The following COQ6 variants were observed in gnomAD, a reference collection of about 807,000 sequenced individuals.
COQ6 encodes coenzyme Q6, monooxygenase.
COQ6 carries 45 observed loss-of-function variants against 55.5 expected under a neutral mutation model. The ratio of observed to expected loss-of-function variants is 0.81; its 90% CI spans 0.64 to 1.04. The LOEUF (loss-of-function observed/expected upper bound fraction) is 1.04. Among genes scored for constraint, COQ6 ranks in the 50% least tolerant of loss-of-function variants. COQ6 has a pLI of 0.00. For missense variants in COQ6, 550 were observed against 601.3 expected, an observed-to-expected ratio of 0.91 and a Z score of 0.89; for synonymous variants, 206 against 230.5, an observed-to-expected ratio of 0.89 and a Z score of 0.96.
chr14:73,956,112 C>T, intron 4 of COQ6, 184 bp downstream of exon 4: 3 of 669,686 alleles, frequency 4.5e-6, no homozygotes, highest in South Asian at 1.6e-5. Context: ...ATCACGAGGT[C>T]AGGAGATGGA....
intron 1 of COQ6, among the ~76,000 whole-genome samples, chr14:73,951,516 C>T (rs915241609): frequency 1.3e-5 from 2 of 150,788 alleles, no homozygotes; most frequent in Non-Finnish European, 1.5e-5. Flanking sequence ...TTAGTAGAGA[C>T]GGGGTTTCAC....
At position 73,952,114 on chromosome 14, in the gene COQ6, C is replaced by CT. The variant is rs869273031; in HGVS notation, c.164-1296dup. On this transcript the variant is annotated intron_variant, in intron 1 of 11. Coordinates refer to ENST00000334571, the MANE Select transcript of COQ6 (RefSeq NM_182476.3). Reference sequence around the variant, plus strand: ...TCACTGTCTGTATGGCTGGAGCTAACTTTTTTTTTTTTTTTTTTTTTTTTT... The same window carrying CT: ...TCACTGTCTGTATGGCTGGAGCTAACTTTTTTTTTTTTTTTTTTTTTTTTTT... Among the ~76,000 whole-genome samples the CT allele has an allele frequency of 4.6e-3, 343 of 73,782 alleles. 8 individuals are homozygous for CT. Among genetic ancestry groups the CT allele is most frequent in the African/African-American group, 9.0e-3 (198 of 21,898 alleles). The allele number at this position is 73,782 out of a possible 152,430, so 48.4% of individuals were successfully genotyped here.
chr14:73,950,601 T>G (rs2056149770), intron 1 of COQ6, 106 bp downstream of exon 1: 1 of 1,451,622 alleles, frequency 6.9e-7, no homozygotes, highest in Admixed American at 2.3e-5. Context: ...TTCTCAGGTC[T>G]CGCGACGCTT....
intron 8 of COQ6, chr14:73,960,552 A>G (rs1340584624): frequency 3.0e-6 from 3 of 1,009,220 alleles, no homozygotes; most frequent in Non-Finnish European, 3.6e-6. Flanking sequence ...GCCATTTAGT[A>G]TATATTCCTG....
At chr14:73,950,229 C>T, upstream of COQ6, 8 of 1,539,046 alleles carry the variant, frequency 5.2e-6, no homozygotes, top group Non-Finnish European at 7.0e-6. Flanking sequence ...ATTTCCGGTT[C>T]TGAGGACGCC....
intron 4 of COQ6, chr14:73,956,653 ATCCACTT>A (rs143222231): frequency 0.39 from 59,781 of 151,540 alleles, 12,707 homozygotes; most frequent in South Asian, 0.49. Flanking sequence ...CCATTTGTGT[ATCCACTT>A]TGGAGAAATG....
Position 73,961,368 on chromosome 14 carries a change from C to T in COQ6, c.1087C>T (p.Leu363Phe), listed in dbSNP as rs749725775. ...TGAGTACGTCAGGCCTCGGGTGGCG[C>T]TCATTGGGTAAGACGATAACAGAGC... Reference protein sequence around the residue: ...AAEYVRPRVALIGDAAHRVHP... With the variant: ...AAEYVRPRVAFIGDAAHRVHP... Residue 363 changes from leucine (L) to phenylalanine (F), a missense_variant, in exon 9 of 12, where the codon CTC (leucine) becomes TTC (phenylalanine). By Grantham distance (22) the Leu-to-Phe change is conservative. Transcript: ENST00000334571. 4 of 1,614,212 alleles carry T rather than the reference C, an allele frequency of 2.5e-6. No homozygotes were observed. Among genetic ancestry groups the T allele is most frequent in the Non-Finnish European group, 3.4e-6 (4 of 1,180,038 alleles).
chr14:73,951,793 C>T (rs977178735), intron 1 of COQ6, among the ~76,000 whole-genome samples: 1 of 151,266 alleles, frequency 6.6e-6, no homozygotes, highest in Non-Finnish European at 1.5e-5. Context: ...CCCTATGATC[C>T]TCATCTCACA....
At chr14:73,955,958 A>C in intron 4 of COQ6, 30 bp downstream of exon 4, 1 of 1,613,572 alleles carries the variant, frequency 6.2e-7, no homozygotes, top group East Asian at 2.2e-5. Flanking sequence ...CCTTGCATTC[A>C]TTGGGAAGTG....
In COQ6 at chr14:73,955,249, G is replaced by T. The variant is rs573766866; in HGVS notation, c.299-202G>T. 39 of 619,940 alleles carry T rather than the reference G, an allele frequency of 6.3e-5. 1 individual carries two copies. In the African/African-American group the frequency reaches 6.4e-4, roughly 10 times the overall value. The allele number at this position is 619,940 out of a possible 1,614,324, so 38.4% of individuals were successfully genotyped here. ...ATTACAGGCATGAGCCACCGCGCCC[G>T]GCAGAAGCTGGGTCTTTTTTCATGC... On this transcript the variant is annotated intron_variant, in intron 2 of 11. Transcript: ENST00000334571.
At chr14:73,955,621 A>G in intron 3 of COQ6, 112 bp downstream of exon 3, 1 of 1,367,972 alleles carries the variant, frequency 7.3e-7, no homozygotes, top group Non-Finnish European at 1.0e-6. Context: ...CAAGGTTCAC[A>G]TTCAGTCCGA....
chr14:73,953,565 C>T lies in COQ6; in HGVS notation c.294C>T (p.Leu98=). 6.2e-7 allele frequency: 1 copy of T among 1,614,204 alleles called. No individual in the cohort carries two copies. The highest frequency in any genetic ancestry group is 8.5e-7 in the Non-Finnish European group (1 of 1,180,040). ...SSISPGSATL[L]SSFGAWDHIC... ...TTTCCCCTGGCTCTGCAACGCTTCT[C>T]AGTAGTGAGTAGAAGATCCTCCTTC... Residue 98 remains leucine (L), a synonymous_variant, in exon 2 of 12, where the codon CTC becomes CTT. Transcript: ENST00000334571.
chr14:73,958,189 C>T lies in COQ6; in HGVS notation c.524C>T (p.Thr175Ile), dbSNP rs776767051. The part of the protein sequence containing the change: ...VLYRSKAIRY[T>I]WPCPFPMADS... ...TACAGGAGCAAAGCCATTCGCTATA[C>T]CTGGCCTTGTCCATTTCCTATGGCC... The change falls in exon 5 of 12, where the codon ACC (threonine) becomes ATC (isoleucine). Residue 175 changes from threonine (T) to isoleucine (I), a missense_variant. By Grantham distance (89) the Thr-to-Ile change is moderately conservative. Transcript: ENST00000334571. The T allele has an allele frequency of 1.5e-5, 25 of 1,614,014 alleles. No individual in the cohort carries two copies. The highest frequency in any genetic ancestry group is 1.9e-5 in the Non-Finnish European group (23 of 1,180,034).
At position 73,950,331 on chromosome 14, in the gene COQ6, C is replaced by T. The variant is rs779659217; in HGVS notation, c.-2C>T. 3 of 1,550,136 alleles carry T rather than the reference C, an allele frequency of 1.9e-6. No homozygotes were observed. The African/African-American group carries it at 4.1e-5, about 21-fold the overall frequency. On this transcript the variant is annotated 5_prime_UTR_variant, in exon 1 of 12. Transcript: ENST00000334571. Reference sequence around the variant, plus strand: ...CTGAGTGCGACGGCGCAGGTCTGCACCATGGCGGCCCGGCTTGTCAGCCGA... The same window carrying T: ...CTGAGTGCGACGGCGCAGGTCTGCATCATGGCGGCCCGGCTTGTCAGCCGA...
At chr14:73,955,044 C>T (rs1394879169) in intron 2 of COQ6, among the ~76,000 whole-genome samples, 7 of 149,780 alleles carry the variant, frequency 4.7e-5, no homozygotes, top group Admixed American at 6.7e-5. Context: ...CTCCGCCTCC[C>T]GGGTTCAGGC....
chr14:73,962,749 T>G (rs2056804419), intron 11 of COQ6: 1 of 562,652 alleles, frequency 1.8e-6, no homozygotes, highest in African/African-American at 1.9e-5. Context: ...CCTAGGAGTT[T>G]GAGGCTGCAG....
chr14:73,961,098 A>G (rs1428690274), intron 8 of COQ6, 75 bp from the exon 9 acceptor site: 3 of 1,508,124 alleles, frequency 2.0e-6, no homozygotes, highest in Non-Finnish European at 1.8e-6. Context: ...GTTACAAACA[A>G]GGTTTCTTTA....
intron 1 of COQ6, among the ~76,000 whole-genome samples, chr14:73,951,289 C>T (rs1015580250): frequency 6.6e-6 from 1 of 152,080 alleles, no homozygotes; most frequent in Non-Finnish European, 1.5e-5. Context: ...AGCAACCCTG[C>T]CTGGCCATTA....
At position 73,955,934 on chromosome 14, in the gene COQ6, G is replaced by GC; in HGVS notation, c.481+11dup. 6.2e-7 allele frequency: 1 copy of GC among 1,613,882 alleles called. No individual in the cohort carries two copies. Among genetic ancestry groups the GC allele is most frequent in the South Asian group, 1.1e-5 (1 of 91,082 alleles). The stretch of plus-strand genomic sequence containing the variant: ...GCAGTTGGAGGCTGTGTCTGGTGAG[G>GC]CCCCCATCTTCCACCTTGCATTCAT... On this transcript the variant is annotated splice_region_variant and intron_variant, in intron 4 of 11. Coordinates refer to ENST00000334571, the MANE Select transcript of COQ6 (RefSeq NM_182476.3).
Sources: allele counts gnomAD v4.1 joint callset (sites outside exome capture counted in the v4.1 genomes callset), GRCh38; gene constraint gnomAD v4.1.1; transcripts MANE v1.5; gene names NCBI Gene and HGNC (gene_info 2026-07-23, HGNC 2026-07-21).